The following TMCC1 variants were observed in gnomAD, a reference collection of about 807,000 sequenced individuals.
TMCC1 encodes transmembrane and coiled-coil domain family 1, also known as transmembrane and coiled-coil domains protein 1.
TMCC1 carries 15 observed loss-of-function variants against 52.4 expected under a neutral mutation model. The observed-to-expected ratio is 0.29, with a 90% CI of 0.19 to 0.44. The LOEUF (loss-of-function observed/expected upper bound fraction) is 0.44. Ranked by LOEUF, TMCC1 falls within the 20% of genes least tolerant of loss-of-function variation. The pLI, the probability that TMCC1 is intolerant of heterozygous loss-of-function variation, is 1.00. For missense variants in TMCC1, 503 were observed against 806.0 expected (o/e 0.62, Z 4.55); for synonymous variants, 279 against 301.9 (o/e 0.92, Z 0.79).
rs1390877800 is a variant in TMCC1, at chr3:129,800,506, GATCC to G, written c.576+27293_576+27296del. 7.3e-5 allele frequency among the ~76,000 whole-genome samples: 11 copies of G among 151,448 alleles called. No homozygotes were observed. The East Asian group carries it at 1.9e-3, about 27-fold the overall frequency. ...ACTCTTGATTTTTTTTTTTTAATTG[GATCC>G]ATTCTGGTAGAGGTGTCATGGCATC... On this transcript the variant is annotated intron_variant, in intron 4 of 6. Transcript: ENST00000393238.
chr3:129,691,918 T>C (rs1313262431), intron 4 of TMCC1, among the ~76,000 whole-genome samples: 1 of 152,176 alleles, frequency 6.6e-6, no homozygotes, highest in African/African-American at 2.4e-5. Context: ...TAAGCACATA[T>C]ATATATGTCA....
intron 4 of TMCC1, among the ~76,000 whole-genome samples, chr3:129,798,071 T>C (rs543078611): frequency 5.4e-4 from 81 of 149,908 alleles, no homozygotes; most frequent in African/African-American, 1.8e-3. Context: ...TCTCAGCTCA[T>C]TGCAACCTCT....
intron 1 of TMCC1, among the ~76,000 whole-genome samples, chr3:129,881,668 T>C (rs2061467282): frequency 6.6e-6 from 1 of 152,246 alleles, no homozygotes; most frequent in Non-Finnish European, 1.5e-5. Context: ...TATTTATTGA[T>C]ACCTGCTACA....
intron 4 of TMCC1, among the ~76,000 whole-genome samples, chr3:129,790,353 G>A (rs547298695): frequency 1.9e-4 from 29 of 152,222 alleles, no homozygotes; most frequent in Admixed American, 5.9e-4. Context: ...ATTTGTTTAC[G>A]TATGTACAAA....
At chr3:129,660,914 G>A (rs1027462823) in intron 5 of TMCC1, among the ~76,000 whole-genome samples, 1 of 152,144 alleles carries the variant, frequency 6.6e-6, no homozygotes, top group Non-Finnish European at 1.5e-5. Flanking sequence ...GAGTAGCTGG[G>A]ACTACAGACC....
chr3:129,771,774 C>CAAA (rs755523077), intron 4 of TMCC1, among the ~76,000 whole-genome samples: 1,593 of 75,234 alleles, frequency 0.021, 96 homozygotes, highest in African/African-American at 0.059. Flanking sequence ...GACACTGTCT[C>CAAA]AAAAAAAAAA....
At chr3:129,806,488 A>G (rs918792360) in intron 4 of TMCC1, among the ~76,000 whole-genome samples, 1 of 152,238 alleles carries the variant, frequency 6.6e-6, no homozygotes, top group East Asian at 1.9e-4. Context: ...AAACTGGAGA[A>G]AAGACCTATA....
At chr3:129,849,492 C>T (rs374192003) in intron 2 of TMCC1, among the ~76,000 whole-genome samples, 25 of 148,454 alleles carry the variant, frequency 1.7e-4, no homozygotes, top group African/African-American at 3.2e-4. Flanking sequence ...CGGCCAGGCA[C>T]GGTGGCTCAC....
At chr3:129,849,231 G>A (rs981375300) in intron 2 of TMCC1, among the ~76,000 whole-genome samples, 3 of 152,132 alleles carry the variant, frequency 2.0e-5, no homozygotes, top group Non-Finnish European at 4.4e-5. Flanking sequence ...GGGAGGCCAA[G>A]GTGGGCAGAT....
intron 4 of TMCC1, among the ~76,000 whole-genome samples, chr3:129,795,656 T>C (rs2107759828): frequency 6.6e-6 from 1 of 152,350 alleles, no homozygotes; most frequent in South Asian, 2.1e-4. Context: ...CTACAGTTTG[T>C]TCCCACAGTC....
chr3:129,849,989 C>A (rs1019690687), intron 2 of TMCC1, among the ~76,000 whole-genome samples: 1 of 151,438 alleles, frequency 6.6e-6, no homozygotes, highest in Admixed American at 6.6e-5. Context: ...AATTCTATTT[C>A]AATTAACATT....
intron 4 of TMCC1, among the ~76,000 whole-genome samples, chr3:129,677,082 G>A (rs1266151662): frequency 1.3e-5 from 2 of 151,256 alleles, no homozygotes; most frequent in Admixed American, 6.6e-5. Context: ...TGGGCAACAT[G>A]CCGAAACCCT....
chr3:129,839,295 A>G (rs2059315366), intron 2 of TMCC1, among the ~76,000 whole-genome samples: 1 of 152,234 alleles, frequency 6.6e-6, no homozygotes, highest in African/African-American at 2.4e-5. Context: ...GGAACACACT[A>G]TAACCATACT....
chr3:129,875,241 C>A (rs573878598), intron 2 of TMCC1, among the ~76,000 whole-genome samples: 2 of 151,692 alleles, frequency 1.3e-5, no homozygotes, highest in Non-Finnish European at 2.9e-5. Flanking sequence ...GTAATCCCAG[C>A]ACTGTGGGAG....
At chr3:129,871,810 C>T (rs1163341753) in intron 2 of TMCC1, among the ~76,000 whole-genome samples, 2 of 152,132 alleles carry the variant, frequency 1.3e-5, no homozygotes, top group African/African-American at 4.8e-5. Flanking sequence ...CTAACATGGA[C>T]AGCCAGCTCA....
At chr3:129,868,581 G>A (rs529502334) in intron 2 of TMCC1, among the ~76,000 whole-genome samples, 2 of 152,296 alleles carry the variant, frequency 1.3e-5, no homozygotes, top group Admixed American at 6.5e-5. Context: ...TGGGATCACA[G>A]GTGCACACCA....
intron 4 of TMCC1, among the ~76,000 whole-genome samples, chr3:129,781,186 A>AACT (rs2055493719): frequency 6.6e-6 from 1 of 152,092 alleles, no homozygotes; most frequent in Admixed American, 6.6e-5. Flanking sequence ...CTGGCATCCA[A>AACT]ACTCTCCAGA....
At chr3:129,821,352 T>C (rs2058412717) in intron 4 of TMCC1, among the ~76,000 whole-genome samples, 1 of 152,160 alleles carries the variant, frequency 6.6e-6, no homozygotes, top group Non-Finnish European at 1.5e-5. Flanking sequence ...GGTATTGACC[T>C]GCCCCAAAAT....
intron 2 of TMCC1, among the ~76,000 whole-genome samples, chr3:129,865,774 G>C (rs541760228): frequency 9.9e-4 from 151 of 152,262 alleles, no homozygotes; most frequent in African/African-American, 3.4e-3. Context: ...TAGACTGGTT[G>C]GCTAAATGAA....
Sources: allele counts gnomAD v4.1 joint callset (sites outside exome capture counted in the v4.1 genomes callset), GRCh38; gene constraint gnomAD v4.1.1; transcripts MANE v1.5; gene names NCBI Gene and HGNC (gene_info 2026-07-23, HGNC 2026-07-21).